The following PDE11A variants were observed in gnomAD, a reference collection of about 807,000 sequenced individuals.
PDE11A encodes the protein phosphodiesterase 11A, also known as dual 3',5'-cyclic-AMP and -GMP phosphodiesterase 11A.
In PDE11A, 100 loss-of-function variants were observed where a neutral mutation model predicts 100.5. The observed-to-expected ratio is 1.00, with a 90% CI of 0.85 to 1.18. The LOEUF (loss-of-function observed/expected upper bound fraction) is 1.18. Ranked by LOEUF, PDE11A falls within the 50% of genes most tolerant of loss-of-function variation. PDE11A has a pLI of 0.00. For missense variants in PDE11A, 1,141 were observed against 1,152.6 expected (o/e 0.99, Z 0.15); for synonymous variants, 381 against 420.8 (o/e 0.91, Z 1.16).
chr2:177,789,451 T>C (rs1447075285), intron 9 of PDE11A, among the ~76,000 whole-genome samples: 2 of 151,718 alleles, frequency 1.3e-5, no homozygotes, highest in East Asian at 1.9e-4. Context: ...GGGCAAAAAC[T>C]GGAAGCATTC....
chr2:177,637,997 A>ATATATATATATATTTTT (rs1433320166), intron 19 of PDE11A, among the ~76,000 whole-genome samples: 1 of 106,536 alleles, frequency 9.4e-6, no homozygotes, highest in African/African-American at 4.0e-5. Context: ...ATATATATAT[A>ATATATATATATATTTTT]TTTTTTTTTT....
intron 1 of PDE11A, among the ~76,000 whole-genome samples, chr2:178,066,291 T>C (rs2087042156): frequency 6.6e-6 from 1 of 152,198 alleles, no homozygotes; most frequent in African/African-American, 2.4e-5. Context: ...AGACTCCATA[T>C]GACTCAGATT....
intron 16 of PDE11A, among the ~76,000 whole-genome samples, chr2:177,677,306 TA>T (rs566357081): frequency 6.6e-6 from 1 of 152,112 alleles, no homozygotes; most frequent in East Asian, 1.9e-4. Context: ...TTATTAAAGT[TA>T]AAAAAATAAG....
At chr2:177,889,819 G>A (rs1471188206) in intron 4 of PDE11A, among the ~76,000 whole-genome samples, 2 of 150,762 alleles carry the variant, frequency 1.3e-5, no homozygotes, top group Non-Finnish European at 3.0e-5. Flanking sequence ...TATTTTTCCT[G>A]AGAGATCTTA....
intron 13 of PDE11A, among the ~76,000 whole-genome samples, chr2:177,703,925 G>C (rs2081239413): frequency 6.6e-6 from 1 of 152,164 alleles, no homozygotes; most frequent in Non-Finnish European, 1.5e-5. Context: ...TTTGTGCAAA[G>C]GCAGCCACTG....
At chr2:177,790,632 C>A (rs1012028266) in intron 9 of PDE11A, among the ~76,000 whole-genome samples, 3 of 152,074 alleles carry the variant, frequency 2.0e-5, no homozygotes, top group Non-Finnish European at 2.9e-5. Context: ...ATTTTTGCAA[C>A]CTACTCATCT....
At chr2:177,786,950 T>G (rs1398246927) in intron 9 of PDE11A, among the ~76,000 whole-genome samples, 2 of 150,276 alleles carry the variant, frequency 1.3e-5, no homozygotes, top group South Asian at 2.1e-4. Context: ...TGGAACCAAG[T>G]TGGAAAACAC....
At chr2:178,002,158 A>G (rs2086152851) in intron 2 of PDE11A, among the ~76,000 whole-genome samples, 1 of 152,158 alleles carries the variant, frequency 6.6e-6, no homozygotes, top group Non-Finnish European at 1.5e-5. Context: ...TAAAAGTGAA[A>G]ACATGCATTA....
chr2:177,727,538 G>C, intron 12 of PDE11A, 120 bp downstream of exon 12: 1 of 747,106 alleles, frequency 1.3e-6, no homozygotes, highest in Non-Finnish European at 2.4e-6. Context: ...ACCAGGGTAG[G>C]TAAGTTCCAA....
intron 10 of PDE11A, among the ~76,000 whole-genome samples, chr2:177,767,550 T>C (rs1049029826): frequency 3.3e-5 from 5 of 152,180 alleles, no homozygotes; most frequent in African/African-American, 1.2e-4. Context: ...GATATTTTCA[T>C]AAATAGGATT....
At chr2:177,781,914 G>C (rs1442181079) in intron 9 of PDE11A, among the ~76,000 whole-genome samples, 1 of 152,128 alleles carries the variant, frequency 6.6e-6, no homozygotes. Flanking sequence ...CTCAACTTGG[G>C]ATGAGAAATT....
intron 9 of PDE11A, among the ~76,000 whole-genome samples, chr2:177,771,874 T>C (rs973634483): frequency 2.0e-5 from 3 of 152,010 alleles, no homozygotes; most frequent in African/African-American, 7.2e-5. Context: ...TGATGATGGG[T>C]GCCTGTAATC....
chr2:177,641,502 G>C (rs73977687), intron 19 of PDE11A, among the ~76,000 whole-genome samples: 1 of 151,422 alleles, frequency 6.6e-6, no homozygotes, highest in Non-Finnish European at 1.5e-5. Flanking sequence ...CTATATGTGA[G>C]AGCAGATGGA....
chr2:177,792,240 T>A (rs144284608), intron 9 of PDE11A, among the ~76,000 whole-genome samples: 1 of 152,294 alleles, frequency 6.6e-6, no homozygotes, highest in African/African-American at 2.4e-5. Context: ...GCTTTTCTCA[T>A]TAATAAGAAC....
chr2:178,096,830 C>T (rs756727304), intron 2 of PDE11A, among the ~76,000 whole-genome samples: 38 of 152,274 alleles, frequency 2.5e-4, no homozygotes, highest in Non-Finnish European at 4.6e-4. Context: ...CTGAGCCCTC[C>T]AAATTGTTCC....
intron 2 of PDE11A, among the ~76,000 whole-genome samples, chr2:177,937,645 T>A (rs2085292342): frequency 1.3e-5 from 2 of 152,186 alleles, no homozygotes; most frequent in African/African-American, 4.8e-5. Flanking sequence ...GACTCTTTTC[T>A]TGTGAAATCT....
chr2:177,799,398 T>C (rs1470070863), intron 9 of PDE11A, among the ~76,000 whole-genome samples: 1 of 152,174 alleles, frequency 6.6e-6, no homozygotes, highest in Non-Finnish European at 1.5e-5. Context: ...GGGTATGAGG[T>C]ATAAGGGAAC....
At chr2:177,985,507 A>C (rs149338014) in intron 2 of PDE11A, among the ~76,000 whole-genome samples, 28 of 152,364 alleles carry the variant, frequency 1.8e-4, no homozygotes, top group African/African-American at 6.7e-4. Context: ...AACAAAAAAA[A>C]ATCAGTAAGG....
At chr2:177,875,960 A>G (rs2084233149) in intron 4 of PDE11A, 37 bp from the exon 5 acceptor site, 3 of 1,199,294 alleles carry the variant, frequency 2.5e-6, no homozygotes, top group East Asian at 2.3e-5. Flanking sequence ...AGGTCAATTA[A>G]AGCTTTATTG....
Sources: allele counts gnomAD v4.1 joint callset (sites outside exome capture counted in the v4.1 genomes callset), GRCh38; gene constraint gnomAD v4.1.1; transcripts MANE v1.5; gene names NCBI Gene and HGNC (gene_info 2026-07-23, HGNC 2026-07-21).